Variants in ZNF490 observed in about 807,000 individuals in gnomAD.
The protein encoded by ZNF490 is zinc finger protein 490.
In ZNF490, 11 loss-of-function variants were observed where a neutral mutation model predicts 17.7. The observed-to-expected ratio is 0.62, with a 90% CI of 0.39 to 1.03. ZNF490 has a LOEUF of 1.03. ZNF490 is among the 50% of genes least tolerant of loss of function. The pLI, the probability that ZNF490 is intolerant of heterozygous loss-of-function variation, is 0.00. For synonymous variants in ZNF490, 222 were observed against 216.1 expected, an observed-to-expected ratio of 1.03 and a Z score of -0.24; for missense variants, 542 against 643.4, an observed-to-expected ratio of 0.84 and a Z score of 1.71.
intron 2 of ZNF490, 118 bp from the exon 3 acceptor site, chr19:12,583,674 C>G: frequency 9.3e-7 from 1 of 1,078,346 alleles, no homozygotes; most frequent in Non-Finnish European, 1.2e-6. Context: ...AGTGGTATAA[C>G]TTGGTTGTCA....
rs896626743 is a variant in ZNF490 at position 12,577,923 on chromosome 19, C to A, written c.*2562G>T. On this transcript the variant is annotated 3_prime_UTR_variant, in exon 5 of 5. Transcript: ENST00000311437. ...AACAAAGGACAGACCCGACCCCTAT[C>A]GTGCCTATGCAATTCAGAAAACGGA... 3.0e-6 allele frequency: 3 copies of A among 985,328 alleles called. No homozygotes were observed. The highest frequency in any genetic ancestry group is 1.7e-5 in the African/African-American group (1 of 57,226). The allele number at this position is 985,328 out of a possible 1,614,324, so 61.0% of individuals were successfully genotyped here. A position where few individuals can be genotyped will look rare whatever the true frequency, so the allele number is the denominator to read the frequency against.
intron 2 of ZNF490, among the ~76,000 whole-genome samples, chr19:12,602,284 C>T (rs1207197198): frequency 1.1e-4 from 17 of 151,720 alleles, no homozygotes; most frequent in Non-Finnish European, 2.1e-4. Flanking sequence ...CGGTAGCTCC[C>T]GCCTGTAATC....
intron 2 of ZNF490, among the ~76,000 whole-genome samples, chr19:12,586,097 T>C (rs2022805245): frequency 1.1e-5 from 1 of 90,110 alleles, no homozygotes; most frequent in Non-Finnish European, 3.0e-5. Context: ...ACATCAGGAG[T>C]TTGAGACCAG....
intron 2 of ZNF490, among the ~76,000 whole-genome samples, chr19:12,593,130 G>A (rs994549758): frequency 6.6e-6 from 1 of 152,156 alleles, no homozygotes; most frequent in East Asian, 1.9e-4. Context: ...ACTCTTGCAC[G>A]AATATGAGTG....
intron 2 of ZNF490, among the ~76,000 whole-genome samples, chr19:12,601,996 C>CA (rs1193404154): frequency 1.2e-4 from 14 of 121,474 alleles, no homozygotes; most frequent in Non-Finnish European, 1.4e-4. Context: ...TCTGACTCAA[C>CA]AAAAAAAAAA....
chr19:12,608,360 C>T (rs1015265200), intron 2 of ZNF490, among the ~76,000 whole-genome samples: 2 of 152,076 alleles, frequency 1.3e-5, no homozygotes, highest in African/African-American at 2.4e-5. Context: ...CACAGGTCAC[C>T]GCAGCCTCAG....
At position 12,582,835 on chromosome 19, in the gene ZNF490, G is replaced by C. The variant is rs1228163326; in HGVS notation, c.350+15C>G. The C allele has an allele frequency of 2.7e-5, 43 of 1,591,350 alleles. No individual in the cohort carries two copies. Among genetic ancestry groups the C allele is most frequent in the Non-Finnish European group, 3.7e-5 (43 of 1,160,560 alleles). The stretch of plus-strand genomic sequence containing the variant: ...TCTCTCAGGGGCTATATAATTATTT[G>C]TGAATGCAACTCACCTTAGATTTCT... On this transcript the variant is annotated intron_variant, in intron 4 of 4. Transcript: ENST00000311437.
At position 12,610,620 on chromosome 19, in the gene ZNF490, T is replaced by C. The variant is rs753936498; in HGVS notation, c.61A>G (p.Ser21Gly). The change falls in exon 1 of 5, where the codon AGC (serine) becomes GGC (glycine). Residue 21 changes from serine (S) to glycine (G), a missense_variant. Transcript: ENST00000311437. ...CGGCCTTGACTAGACGACCACTTGCTCTGGACTTGCTCCTCGAGGGGTCGC... is the reference window on the plus strand; with the variant it reads ...CGGCCTTGACTAGACGACCACTTGCCCTGGACTTGCTCCTCGAGGGGTCGC... ...MERPLEEQVQSKWSSSQGRTG... is the reference protein window; with the variant it reads ...MERPLEEQVQGKWSSSQGRTG... The C allele has an allele frequency of 1.9e-5, 30 of 1,614,000 alleles. 1 individual carries two copies. The South Asian group carries it at 3.3e-4, about 18-fold the overall frequency.
At position 12,588,031 on chromosome 19, in the gene ZNF490, G is replaced by A. The variant is rs1212500581; in HGVS notation, c.163-4475C>T. On this transcript the variant is annotated intron_variant, in intron 2 of 4. Transcript: ENST00000311437. ...ATTGCAGGCACCTGCCACCACGCCT[G>A]GCTAATTTTTGTATTTTTAGTAGAG... 2.1e-5 allele frequency among the ~76,000 whole-genome samples: 2 copies of A among 94,320 alleles called. 1 individual carries two copies. The highest frequency in any genetic ancestry group is 5.7e-5 in the Non-Finnish European group (2 of 34,958). 61.9% of individuals were successfully genotyped at this position (94,320 alleles called of 152,430 possible).
intron 2 of ZNF490, among the ~76,000 whole-genome samples, chr19:12,608,131 C>T (rs1182276239): frequency 6.6e-6 from 1 of 152,186 alleles, no homozygotes; most frequent in East Asian, 1.9e-4. Context: ...TACAGAGTCA[C>T]TTAGATCAGG....
In ZNF490 at chr19:12,599,892, T is replaced by C. The variant is rs576112344; in HGVS notation, c.162+9266A>G. Reference sequence around the variant, plus strand: ...TATTGGCTAAAGTTAAAGGGGGTATTATCCAGTTTTTCTGTAAATTGAATA... The same window carrying C: ...TATTGGCTAAAGTTAAAGGGGGTATCATCCAGTTTTTCTGTAAATTGAATA... On this transcript the variant is annotated intron_variant, in intron 2 of 4. Coordinates refer to ENST00000311437, the MANE Select transcript of ZNF490 (RefSeq NM_020714.3). Among the ~76,000 whole-genome samples, 4 of 152,288 alleles carry C rather than the reference T, an allele frequency of 2.6e-5. No individual in the cohort carries two copies. In the East Asian group the frequency reaches 7.7e-4, roughly 29 times the overall value.
chr19:12,589,845 A>G (rs1434295086), intron 2 of ZNF490, among the ~76,000 whole-genome samples: 1 of 152,282 alleles, frequency 6.6e-6, no homozygotes, highest in East Asian at 1.9e-4. Flanking sequence ...CAAGGTAAGA[A>G]AGACCCTTCT....
chr19:12,584,590 G>A (rs2022793353), intron 2 of ZNF490, among the ~76,000 whole-genome samples: 1 of 94,758 alleles, frequency 1.1e-5, no homozygotes, highest in South Asian at 2.8e-4. Flanking sequence ...ATTACATACT[G>A]TACCACTCAG....
At chr19:12,591,712 G>A (rs1329459921) in intron 2 of ZNF490, among the ~76,000 whole-genome samples, 1 of 151,820 alleles carries the variant, frequency 6.6e-6, no homozygotes, top group African/African-American at 2.4e-5. Context: ...CTCACTAAAT[G>A]GCTAAATTTT....
rs2022646614 is a variant in ZNF490, at chr19:12,576,836, AC to A, written c.*3648del. The stretch of plus-strand genomic sequence containing the variant: ...CTCAAAAAAAAAAAAAAAAAAAAAA[AC>A]CTAAAAGCATTCCATATTTAAAAAT... On this transcript the variant is annotated 3_prime_UTR_variant, in exon 5 of 5. Transcript: ENST00000311437. Among the ~76,000 whole-genome samples, 2 of 150,038 alleles carry A rather than the reference AC, an allele frequency of 1.3e-5. No individual in the cohort carries two copies. The highest frequency in any genetic ancestry group is 3.0e-5 in the Non-Finnish European group (2 of 67,568).
chr19:12,599,339 T>A (rs1008549765), intron 2 of ZNF490, among the ~76,000 whole-genome samples: 1 of 152,002 alleles, frequency 6.6e-6, no homozygotes, highest in Non-Finnish European at 1.5e-5. Context: ...TTAGGACAAG[T>A]CAGAAAGTCA....
chr19:12,580,038 C>T lies in ZNF490; in HGVS notation c.*447G>A, dbSNP rs10403931. The T allele has an allele frequency of 9.2e-3, 5,343 of 580,812 alleles. 274 individuals are homozygous for T. The African/African-American group carries it at 0.1, about 11-fold the overall frequency. 36.0% of individuals were successfully genotyped at this position (580,812 alleles called of 1,614,324 possible). A position where few individuals can be genotyped will look rare whatever the true frequency, so the allele number is the denominator to read the frequency against. The stretch of plus-strand genomic sequence containing the variant: ...AGGAGAATTGCTTGAATCCGGGAGG[C>T]GGAGGTTGCGGTGAGCCGCGATCGC... On this transcript the variant is annotated 3_prime_UTR_variant, in exon 5 of 5. Coordinates refer to ENST00000311437, the MANE Select transcript of ZNF490 (RefSeq NM_020714.3).
At chr19:12,589,826 T>C (rs1450128931) in intron 2 of ZNF490, among the ~76,000 whole-genome samples, 2 of 152,120 alleles carry the variant, frequency 1.3e-5, no homozygotes, top group Non-Finnish European at 2.9e-5. Flanking sequence ...TTCCCAGTAA[T>C]ATGAGGAACA....
rs776641164 is a variant in ZNF490, at chr19:12,577,392, T to A, written c.*3093A>T. On this transcript the variant is annotated 3_prime_UTR_variant, in exon 5 of 5. Transcript: ENST00000311437. The stretch of plus-strand genomic sequence containing the variant: ...GACAGTGAAGGAATCTCGAACTTCC[T>A]GACCTCCCACAGTACAATAATCATC... 260 of 978,734 alleles carry A rather than the reference T, an allele frequency of 2.7e-4. No homozygotes were observed. Among genetic ancestry groups the A allele is most frequent in the Middle Eastern group, 5.2e-4 (1 of 1,920 alleles). 60.6% of individuals were successfully genotyped at this position (978,734 alleles called of 1,614,324 possible).
Sources: gnomAD v4.1 joint callset for allele counts (sites outside exome capture counted in the v4.1 genomes callset) on GRCh38, gnomAD v4.1.1 for gene constraint, MANE v1.5 for transcripts, NCBI Gene and HGNC (gene_info 2026-07-23, HGNC 2026-07-21) for gene names.